GPKOW: variants seen among roughly 807,000 people sequenced by gnomAD.
The protein encoded by GPKOW is G-patch domain and KOW motifs-containing protein.
For synonymous variants in GPKOW, 167 were observed against 159.1 expected (o/e 1.05, Z -0.37); for missense variants, 359 against 404.7 (o/e 0.89, Z 0.97).
At chrX:49,118,189 G>A (rs113101322) in intron 4 of GPKOW, among the ~76,000 whole-genome samples, 2,689 of 110,200 alleles carry the variant, frequency 0.024, 73 homozygotes, top group African/African-American at 0.084. Flanking sequence ...CCAAAGTGCT[G>A]AGATTACAGG....
At position 49,123,561 on chromosome X, in the gene GPKOW, C is replaced by G. The variant is rs995660658; in HGVS notation, c.162G>C (p.Gly54=). The part of the protein sequence containing the change: ...EEKDFLKTVE[G]RELQSVKPQE... ...CGGCGCGTCACCTCTGCAGCTCCCT[C>G]CCTTCCACGGTTTTCAAGAAATCCT... is the stretch of plus-strand genomic sequence containing the variant. The change falls in exon 1 of 11, where the codon GGG becomes GGC. Residue 54 remains glycine (G), a synonymous_variant. Transcript: ENST00000156109. The G allele has an allele frequency of 1.7e-6, 2 of 1,206,050 alleles. No individual in the cohort carries two copies. Among genetic ancestry groups the G allele is most frequent in the African/African-American group, 3.5e-5 (2 of 57,179 alleles).
At chrX:49,119,675 C>G (rs376675394) in intron 4 of GPKOW, 30 bp downstream of exon 4, 27 of 904,552 alleles carry the variant, frequency 3.0e-5, no homozygotes, top group Non-Finnish European at 4.3e-5. Context: ...GATGATCTGT[C>G]TGTCCCCTCG....
chrX:49,114,309 T>G (rs1557089821), intron 9 of GPKOW, among the ~76,000 whole-genome samples: 2 of 109,528 alleles, frequency 1.8e-5, no homozygotes, highest in Non-Finnish European at 1.9e-5. Context: ...TTGGCTAATT[T>G]TGTATTTTTA....
Position 49,113,772 on chromosome X carries a change from G to A in GPKOW, c.1297-17C>T, listed in dbSNP as rs1043040933. 8.3e-7 allele frequency: 1 copy of A among 1,206,949 alleles called. No homozygotes were observed. The highest frequency in any genetic ancestry group is 1.1e-6 in the Non-Finnish European group (1 of 893,503). The stretch of plus-strand genomic sequence containing the variant: ...ATGTCCCACCTGGAACAGAGGTGAA[G>A]TGGAATCAGCAAGGCAAGCCTAGAC... On this transcript the variant is annotated splice_polypyrimidine_tract_variant and intron_variant, in intron 10 of 10. Transcript: ENST00000156109.
chrX:49,123,525 G>A (rs1294766685), intron 1 of GPKOW, 22 bp downstream of exon 1: 2 of 1,181,326 alleles, frequency 1.7e-6, no homozygotes. Context: ...ATTTCCAAGG[G>A]GTGAAAGACC....
intron 7 of GPKOW, 95 bp downstream of exon 7, chrX:49,116,126 C>T (rs2065192842): frequency 2.1e-5 from 23 of 1,121,578 alleles, no homozygotes; most frequent in Non-Finnish European, 2.7e-5. Context: ...CCCGTTCCTT[C>T]TATGAGCCCG....
intron 9 of GPKOW, 143 bp from the exon 10 acceptor site, chrX:49,114,081 T>A (rs782427290): frequency 4.4e-6 from 2 of 454,348 alleles, no homozygotes; most frequent in Admixed American, 6.9e-5. Flanking sequence ...GAGGATCGCT[T>A]GAGCCCAGGA....
rs782419325 is a variant in GPKOW, at chrX:49,122,749, T to C, written c.204A>G (p.Glu68=). ...QSVKPQEAPK[E]LVIPLIQNGH... ...CATTCTGGATCAAAGGGATGACGAG[T>C]TCCTTGGGGGCCTCCTGGGGCTTCA... is the stretch of plus-strand genomic sequence containing the variant. The change falls in exon 2 of 11, where the codon GAA becomes GAG. Residue 68 remains glutamate (E), a synonymous_variant. Transcript: ENST00000156109. The C allele has an allele frequency of 5.0e-6, 6 of 1,207,503 alleles. No individual in the cohort carries two copies. In the East Asian group the frequency reaches 1.2e-4, roughly 24 times the overall value.
chrX:49,115,930 C>T lies in GPKOW; in HGVS notation c.1101G>A (p.Val367=), dbSNP rs1008977721. The change falls in exon 8 of 11, where the codon GTG becomes GTA. Residue 367 remains valine, a synonymous_variant. Coordinates refer to ENST00000156109, the MANE Select transcript of GPKOW (RefSeq NM_015698.6). ...WLHRDLRVRF[V]DNMYKGGQYY... The stretch of plus-strand genomic sequence containing the variant: ...ATTGGCCTCCTTTGTACATGTTGTC[C>T]ACAAACCGCACACGCAGGTCCCTGT... 1.7e-6 allele frequency: 2 copies of T among 1,210,459 alleles called. No individual in the cohort carries two copies. The highest frequency in any genetic ancestry group is 1.1e-6 in the Non-Finnish European group (1 of 894,434).
Position 49,113,507 on chromosome X carries a change from C to T in GPKOW, c.*114G>A. 1 of 748,358 alleles carries T rather than the reference C, an allele frequency of 1.3e-6. No homozygotes were observed. The highest frequency in any genetic ancestry group is 3.3e-5 in the East Asian group (1 of 30,005). The allele number at this position is 748,358 out of a possible 1,213,427, so 61.7% of individuals were successfully genotyped here. A position where few individuals can be genotyped will look rare whatever the true frequency, so the allele number is the denominator to read the frequency against. On this transcript the variant is annotated 3_prime_UTR_variant, in exon 11 of 11. Coordinates refer to ENST00000156109, the MANE Select transcript of GPKOW (RefSeq NM_015698.6). ...CCATCCCTTTCCCTTGTCCTTGTCC[C>T]AGGACTGCACCAGAAGTAGAGGATG...
chrX:49,120,755 C>G (rs186313648), intron 3 of GPKOW, among the ~76,000 whole-genome samples: 1 of 109,900 alleles, frequency 9.1e-6, no homozygotes, highest in East Asian at 2.9e-4. Context: ...CCTCAGTCTC[C>G]TGGGTTCAAG....
At chrX:49,114,145 G>A (rs782022956) in intron 9 of GPKOW, among the ~76,000 whole-genome samples, 1 of 110,427 alleles carries the variant, frequency 9.1e-6, no homozygotes, top group South Asian at 3.8e-4. Context: ...AGATTTTTTT[G>A]TTTTGTTTTT....
At chrX:49,117,557 G>A in intron 5 of GPKOW, 40 bp downstream of exon 5, 2 of 1,003,899 alleles carry the variant, frequency 2.0e-6, no homozygotes, top group Non-Finnish European at 1.4e-6. Flanking sequence ...AACCTTCCCT[G>A]CTGCCTGTTT....
chrX:49,114,913 A>T (rs2065186428), intron 9 of GPKOW, among the ~76,000 whole-genome samples: 1 of 60,253 alleles, frequency 1.7e-5, no homozygotes, highest in Admixed American at 2.6e-4. Flanking sequence ...TGACAGAGTG[A>T]CTCTGTTTCA....
rs2065209481 is a variant in GPKOW at position 49,120,431 on chromosome X, T to C, written c.457-617A>G. Among the ~76,000 whole-genome samples, 4 of 110,808 alleles carry C rather than the reference T, an allele frequency of 3.6e-5. No homozygotes were observed. The Admixed American group carries it at 3.9e-4, about 11-fold the overall frequency. On this transcript the variant is annotated intron_variant, in intron 3 of 10. Coordinates refer to ENST00000156109, the MANE Select transcript of GPKOW (RefSeq NM_015698.6). Reference sequence around the variant, plus strand: ...GGGGAAGAGACCAAATCAGGAGAGCTGGGCAGGAGTCAGAGGACCTTGAGC... The same window carrying C: ...GGGGAAGAGACCAAATCAGGAGAGCCGGGCAGGAGTCAGAGGACCTTGAGC...
chrX:49,123,444 A>C, intron 1 of GPKOW, 103 bp downstream of exon 1: 1 of 849,085 alleles, frequency 1.2e-6, no homozygotes, highest in African/African-American at 2.1e-5. Context: ...GCTGTGCTTC[A>C]GGCTTAACAG....
rs183676921 is a variant in GPKOW at position 49,117,614 on chromosome X, G to C, written c.763C>G (p.Arg255Gly). The change falls in exon 5 of 11, where the codon CGA (arginine) becomes GGA (glycine). Residue 255 changes from arginine to glycine, a missense_variant. Transcript: ENST00000156109. The stretch of plus-strand genomic sequence containing the variant: ...TTCCTTACCTTCCCATAGAGGCCTC[G>C]GTGAGGGCCAGAAAGAACCACCACA... The part of the protein sequence containing the change: ...GAVVVLSGPH[R>G]GLYGKVEGLD... The C allele has an allele frequency of 8.3e-6, 10 of 1,202,968 alleles. No homozygotes were observed. Among genetic ancestry groups the C allele is most frequent in the Non-Finnish European group, 1.1e-5 (10 of 888,733 alleles).
intron 9 of GPKOW, among the ~76,000 whole-genome samples, chrX:49,114,443 A>G (rs1306040133): frequency 1.9e-5 from 2 of 106,594 alleles, no homozygotes; most frequent in African/African-American, 6.8e-5. Context: ...CCAGCCTACA[A>G]AAAATTTTAA....
In GPKOW at chrX:49,122,461, G is replaced by A. The variant is rs1215338919; in HGVS notation, c.393C>T (p.Pro131=). The stretch of plus-strand genomic sequence containing the variant: ...TGGGGGTGCATCCTTTCTGGATCAT[G>A]GGGATAGCGAGCGTGGGGTCGACAC... ...NAGVDPTLAI[P]MIQKGCTPSG... Residue 131 remains proline, a synonymous_variant, in exon 3 of 11, where the codon CCC becomes CCT. Transcript: ENST00000156109. The A allele has an allele frequency of 2.6e-5, 31 of 1,196,083 alleles. No homozygotes were observed. The highest frequency in any genetic ancestry group is 3.4e-5 in the Non-Finnish European group (30 of 889,176).
Sources: allele counts gnomAD v4.1 joint callset (sites outside exome capture counted in the v4.1 genomes callset), GRCh38; gene constraint gnomAD v4.1.1; transcripts MANE v1.5; gene names NCBI Gene and HGNC (gene_info 2026-07-23, HGNC 2026-07-21).